Variants in TP53BP1 observed in about 807,000 individuals in gnomAD.
TP53BP1 encodes the protein TP53-binding protein 1.
In TP53BP1, 61 loss-of-function variants were observed where a neutral mutation model predicts 200.8. The ratio of observed to expected loss-of-function variants is 0.30; its 90% CI spans 0.25 to 0.38. The LOEUF (loss-of-function observed/expected upper bound fraction) is 0.38, where lower values mean the gene tolerates loss of function less well. Among genes scored for constraint, TP53BP1 ranks in the 10% least tolerant of loss-of-function variants. The probability of loss-of-function intolerance (pLI) is 1.00; values close to 1 mark genes in which losing one functional copy is unlikely to be tolerated. For missense variants in TP53BP1, 2,144 were observed against 2,371.9 expected (o/e 0.90, Z 2.00); for synonymous variants, 822 against 844.3 (o/e 0.97, Z 0.46).
intron 4 of TP53BP1, among the ~76,000 whole-genome samples, chr15:43,487,468 T>C (rs1437902991): frequency 1.3e-5 from 2 of 152,074 alleles, no homozygotes; most frequent in Non-Finnish European, 2.9e-5. Flanking sequence ...GCATTTATCC[T>C]AGAGAAATGA....
At chr15:43,467,579 C>T (rs1185989876) in intron 11 of TP53BP1, among the ~76,000 whole-genome samples, 6 of 152,014 alleles carry the variant, frequency 3.9e-5, no homozygotes, top group Admixed American at 6.6e-5. Context: ...TAGAGCAATT[C>T]CTTCAACAGT....
Position 43,406,615 on chromosome 15 carries a change from G to A in TP53BP1, c.*768C>T, listed in dbSNP as rs2044897762. 2.2e-6 allele frequency: 1 copy of A among 455,864 alleles called. No homozygotes were observed. Among genetic ancestry groups the A allele is most frequent in the Non-Finnish European group, 4.4e-6 (1 of 226,782 alleles). The allele number at this position is 455,864 out of a possible 1,614,324, so 28.2% of individuals were successfully genotyped here. ...ACCCTTTACAGAAAAAAACCTTGTT[G>A]ACCCCTGCTTTAGAGAATGAGAAGC... On this transcript the variant is annotated 3_prime_UTR_variant, in exon 28 of 28. Coordinates refer to ENST00000382044, the MANE Select transcript of TP53BP1 (RefSeq NM_001141980.3).
intron 12 of TP53BP1, among the ~76,000 whole-genome samples, chr15:43,454,345 G>C (rs2046242577): frequency 6.6e-6 from 1 of 151,174 alleles, no homozygotes; most frequent in Admixed American, 6.6e-5. Flanking sequence ...TGTTTTTGGA[G>C]CTTGATTTTA....
chr15:43,407,810 G>A lies in TP53BP1; in HGVS notation c.5746+133C>T, dbSNP rs2044962551. The A allele has an allele frequency of 5.2e-6, 5 of 954,838 alleles. No individual in the cohort carries two copies. In the East Asian group the frequency reaches 9.7e-5, roughly 18 times the overall value. 59.1% of individuals were successfully genotyped at this position (954,838 alleles called of 1,614,324 possible). A position where few individuals can be genotyped will look rare whatever the true frequency, so the allele number is the denominator to read the frequency against. ...ACTTATGTTGACTCACCTCTTGAAG[G>A]TGGTACTTTTCTTCTCTAAGAAACA... On this transcript the variant is annotated intron_variant, in intron 27 of 27. Transcript: ENST00000382044.
rs1402832329 is a variant in TP53BP1 at position 43,403,146 on chromosome 15, A to G, written c.*4237T>C. On this transcript the variant is annotated 3_prime_UTR_variant, in exon 28 of 28. Transcript: ENST00000382044. ...GGTATAATTCATGGCTCTGCCCTTA[A>G]GGAGCTCACAATCTAGTTGGAAAAA... The G allele has an allele frequency of 6.6e-6, 1 of 152,234 alleles. No individual in the cohort carries two copies. The highest frequency in any genetic ancestry group is 2.4e-5 in the African/African-American group (1 of 41,444). The allele number at this position is 152,234 out of a possible 1,614,324, so 9.4% of individuals were successfully genotyped here.
At chr15:43,416,087 A>G (rs760478638) in intron 22 of TP53BP1, 138 bp downstream of exon 22, 249 of 838,572 alleles carry the variant, frequency 3.0e-4, no homozygotes, top group Non-Finnish European at 4.2e-4. Context: ...CTAGAAAATG[A>G]CAGCTCATCC....
rs753499084 is a variant in TP53BP1 at position 43,432,177 on chromosome 15, C to G, written c.3675+17G>C. ...TTAAAAACAAGGCCTCTGATGCACC[C>G]TAGTATGTTCTCTCACCTGGCTATG... On this transcript the variant is annotated intron_variant, in intron 17 of 27. Transcript: ENST00000382044. 5.6e-6 allele frequency: 9 copies of G among 1,609,844 alleles called. No homozygotes were observed. Among genetic ancestry groups the G allele is most frequent in the African/African-American group, 1.3e-5 (1 of 74,816 alleles).
chr15:43,475,907 T>G (rs1279722709), intron 8 of TP53BP1, among the ~76,000 whole-genome samples: 1 of 152,238 alleles, frequency 6.6e-6, no homozygotes, highest in Non-Finnish European at 1.5e-5. Context: ...ATGGGCTTCT[T>G]GAATAAAGAA....
intron 24 of TP53BP1, among the ~76,000 whole-genome samples, chr15:43,411,587 C>A (rs2045118082): frequency 6.6e-6 from 1 of 152,196 alleles, no homozygotes; most frequent in African/African-American, 2.4e-5. Flanking sequence ...GATTGAGAAA[C>A]CCCCAAGCAT....
chr15:43,477,655 T>C lies in TP53BP1; in HGVS notation c.893A>G (p.Lys298Arg). ...TGACAAAACCTCAGGCTCTGGTGAC[T>C]TCTGAATCTGCAGTCCACTTTCCAT... ...ELMESGLQIQ[K>R]SPEPEVLSTQ... Residue 298 changes from lysine (K) to arginine (R), a missense_variant, in exon 8 of 28, where the codon AAG (lysine) becomes AGG (arginine). By Grantham distance (26) the Lys-to-Arg change is conservative. This residue lies in a region of TP53BP1 where 1,700 missense variants were observed against 1,710.3 expected (regional missense o/e 0.99). Transcript: ENST00000382044. 6.2e-7 allele frequency: 1 copy of C among 1,613,976 alleles called. No homozygotes were observed. Among genetic ancestry groups the C allele is most frequent in the African/African-American group, 1.3e-5 (1 of 75,064 alleles).
chr15:43,492,955 C>T lies in TP53BP1; in HGVS notation c.7+82G>A, dbSNP rs1000756337. On this transcript the variant is annotated intron_variant, in intron 1 of 27. Transcript: ENST00000382044. ...CACCGCCGCCATGCTTGCCACCCCG[C>T]CCCCTCCGGTCAGCCATCCCTTCAG... 2.7e-5 allele frequency: 43 copies of T among 1,582,114 alleles called. 1 individual carries two copies. In the South Asian group the frequency reaches 4.2e-4, roughly 15 times the overall value.
At chr15:43,491,869 G>A in intron 3 of TP53BP1, 116 bp from the exon 4 acceptor site, 2 of 1,087,428 alleles carry the variant, frequency 1.8e-6, no homozygotes, top group South Asian at 1.3e-5. Context: ...CAACTTTTGA[G>A]TGACTACTAC....
At chr15:43,443,462 C>A (rs1380060613) in intron 14 of TP53BP1, among the ~76,000 whole-genome samples, 1 of 152,132 alleles carries the variant, frequency 6.6e-6, no homozygotes, top group Non-Finnish European at 1.5e-5. Flanking sequence ...GAGGCCAAGG[C>A]AGGAGGATCG....
rs193039451 is a variant in TP53BP1 at position 43,434,164 on chromosome 15, T to A, written c.3192-1487A>T. ...AATATATGGTCCAATGAAGAAGAAG[T>A]AAGAACAAGACCACCAGGAGACACC... On this transcript the variant is annotated intron_variant, in intron 16 of 27. Coordinates refer to ENST00000382044, the MANE Select transcript of TP53BP1 (RefSeq NM_001141980.3). Among the ~76,000 whole-genome samples the A allele has an allele frequency of 6.2e-4, 95 of 152,206 alleles. 2 individuals carry two copies. In the East Asian group the frequency reaches 0.017, roughly 27 times the overall value.
At chr15:43,466,494 G>A (rs914793197) in intron 11 of TP53BP1, among the ~76,000 whole-genome samples, 1 of 152,202 alleles carries the variant, frequency 6.6e-6, no homozygotes, top group Non-Finnish European at 1.5e-5. Flanking sequence ...TAGTTATAAT[G>A]TAAACTCAGT....
chr15:43,457,175 T>A lies in TP53BP1; in HGVS notation c.1433A>T (p.Asp478Val), dbSNP rs755406668. ...PSPSLEEQSN[D>V]GKKDGDMHSS... ...ATGCATATCTCCATCTTTCTTCCCA[T>A]CATTTGATTGTTCTTCCAGACTTGG... Residue 478 changes from aspartate to valine, a missense_variant, in exon 12 of 28, where the codon GAT (aspartate) becomes GTT (valine). Physicochemically the swap from Asp to Val is radical, Grantham distance 152. This residue lies in a region of TP53BP1 where 1,700 missense variants were observed against 1,710.3 expected (regional missense o/e 0.99). Transcript: ENST00000382044. 1.2e-6 allele frequency: 2 copies of A among 1,612,460 alleles called. No homozygotes were observed. The highest frequency in any genetic ancestry group is 1.7e-6 in the Non-Finnish European group (2 of 1,179,460).
intron 4 of TP53BP1, among the ~76,000 whole-genome samples, chr15:43,486,698 G>A (rs1404554451): frequency 1.3e-5 from 2 of 152,132 alleles, no homozygotes; most frequent in South Asian, 4.2e-4. Context: ...ATCACGGCTC[G>A]CTGCAACCTC....
In TP53BP1 at chr15:43,455,906, CAGA is replaced by C. The variant is rs775139778; in HGVS notation, c.2699_2701del (p.Phe900del). On this transcript the variant is annotated inframe_deletion, in exon 12 of 28. Coordinates refer to ENST00000382044, the MANE Select transcript of TP53BP1 (RefSeq NM_001141980.3). ...ATCACACTCACCACTAGAACTTTCA[CAGA>C]AGCTTTGTGAGGCATGGGCAGAGGG... 6.2e-7 allele frequency: 1 copy of C among 1,614,086 alleles called. No individual in the cohort carries two copies.
intron 21 of TP53BP1, among the ~76,000 whole-genome samples, chr15:43,418,575 C>G (rs1260069946): frequency 6.6e-6 from 1 of 151,498 alleles, no homozygotes. Flanking sequence ...TCAAAAAGTC[C>G]TCAGAAAGAT....
Sources: allele counts gnomAD v4.1 joint callset (sites outside exome capture counted in the v4.1 genomes callset), GRCh38; gene constraint gnomAD v4.1.1; regional missense constraint gnomAD v4.1.1; transcripts MANE v1.5; gene names NCBI Gene and HGNC (gene_info 2026-07-23, HGNC 2026-07-21).